Variants in RBPJ observed in about 807,000 individuals in gnomAD.
The protein encoded by RBPJ is recombination signal binding protein for immunoglobulin kappa J region.
In RBPJ, 9 loss-of-function variants were observed where a neutral mutation model predicts 67.8. The observed-to-expected ratio is 0.13, with a 90% CI of 0.08 to 0.23. The LOEUF (loss-of-function observed/expected upper bound fraction) is 0.23, where lower values mean the gene tolerates loss of function less well. Among genes scored for constraint, RBPJ ranks in the 10% least tolerant of loss-of-function variants. The probability of loss-of-function intolerance (pLI) is 1.00; values close to 1 mark genes in which losing one functional copy is unlikely to be tolerated. For synonymous variants in RBPJ, 198 were observed against 203.3 expected (o/e 0.97, Z 0.22); for missense variants, 305 against 595.6 (o/e 0.51, Z 5.08).
At chr4:26,319,207 G>T (rs771310132), upstream of RBPJ, among the ~76,000 whole-genome samples, 56 of 152,012 alleles carry the variant, frequency 3.7e-4, no homozygotes, top group Non-Finnish European at 8.1e-4. Context: ...TGTGGAGGGC[G>T]ACAGGAAACC....
intron 1 of RBPJ, among the ~76,000 whole-genome samples, chr4:26,323,984 A>T (rs1019897306): frequency 1.3e-5 from 2 of 152,154 alleles, no homozygotes; most frequent in African/African-American, 4.8e-5. Flanking sequence ...TTTCTCATGG[A>T]TTGACTAAAA....
At chr4:26,308,257 C>T (rs1185346790) in intron 1 of RBPJ, among the ~76,000 whole-genome samples, 4 of 150,502 alleles carry the variant, frequency 2.7e-5, no homozygotes, top group Non-Finnish European at 5.9e-5. Context: ...GCCTGGGTGA[C>T]AGAGCAAGAC....
At chr4:26,345,206 G>C (rs1367227141) in intron 1 of RBPJ, among the ~76,000 whole-genome samples, 1 of 152,184 alleles carries the variant, frequency 6.6e-6, no homozygotes, top group Non-Finnish European at 1.5e-5. Flanking sequence ...TTATAGCAGA[G>C]CAGATGTAGA....
At chr4:26,135,438 C>T in the RBPJ span, among the ~76,000 whole-genome samples, 1 of 151,984 alleles carries the variant, frequency 6.6e-6, no homozygotes, top group African/African-American at 2.4e-5. Flanking sequence ...AACGCAACAA[C>T]CCTGTGAGGC....
chr4:26,163,917 C>T (rs1275831780), intron 1 of RBPJ, among the ~76,000 whole-genome samples: 1 of 152,260 alleles, frequency 6.6e-6, no homozygotes, highest in Non-Finnish European at 1.5e-5. Context: ...ACACTGCTTC[C>T]TTCTTAGGAC....
rs1272612587 is a variant in RBPJ, at chr4:26,424,579, TA to T, written c.635-48del. ...TTAAGTTTTGTCATTTGCCTAATCATAAAATAAATTTAAAAAGATGACAATT... is the reference window on the plus strand; with the variant it reads ...TTAAGTTTTGTCATTTGCCTAATCATAAATAAATTTAAAAAGATGACAATT... On this transcript the variant is annotated intron_variant, in intron 6 of 10. Transcript: ENST00000355476. The surrounding 1 kb of genome is among the most constrained non-coding windows in gnomAD (Gnocchi z 5.3). The T allele has an allele frequency of 1.9e-6, 3 of 1,557,746 alleles. No homozygotes were observed. The highest frequency in any genetic ancestry group is 2.6e-6 in the Non-Finnish European group (3 of 1,136,802).
At chr4:26,164,069 C>T (rs1716164297) in intron 1 of RBPJ, among the ~76,000 whole-genome samples, 1 of 152,208 alleles carries the variant, frequency 6.6e-6, no homozygotes, top group Admixed American at 6.5e-5. Context: ...TTTAAATAAG[C>T]TCCTCCAAAA....
Position 26,294,968 on chromosome 4 carries a change from A to C in RBPJ, c.-166-67478A>C, listed in dbSNP as rs368414472. Reference sequence around the variant, plus strand: ...GTTGGATAGGGCTGATGACGGAAAGAGGAATCAGGGATAAACCGTGAACCC... The same window carrying C: ...GTTGGATAGGGCTGATGACGGAAAGCGGAATCAGGGATAAACCGTGAACCC... On this transcript the variant is annotated intron_variant, in intron 1 of 4. Transcript: ENST00000512351. 7.9e-4 allele frequency among the ~76,000 whole-genome samples: 121 copies of C among 152,280 alleles called. 4 individuals are homozygous for C. The South Asian group carries it at 0.025, about 31-fold the overall frequency.
chr4:26,343,474 C>G (rs1475349899), intron 1 of RBPJ, among the ~76,000 whole-genome samples: 1 of 151,974 alleles, frequency 6.6e-6, no homozygotes, highest in South Asian at 2.1e-4. Flanking sequence ...ATATTTCCAG[C>G]TTATACATAT....
At chr4:26,276,033 G>C (rs1721070010) in intron 1 of RBPJ, among the ~76,000 whole-genome samples, 1 of 151,458 alleles carries the variant, frequency 6.6e-6, no homozygotes, top group Non-Finnish European at 1.5e-5. Flanking sequence ...CCAGCACTTT[G>C]GGAGGCCTAG....
rs968109658 is a variant in RBPJ, at chr4:26,174,903, C to T, written c.-167+11289C>T. Among the ~76,000 whole-genome samples, 19 of 152,040 alleles carry T rather than the reference C, an allele frequency of 1.2e-4. 1 individual carries two copies. Among genetic ancestry groups the T allele is most frequent in the Admixed American group, 1.2e-3 (18 of 15,266 alleles). The stretch of plus-strand genomic sequence containing the variant: ...ACCGTAGATTTCATAAATATTGCTG[C>T]TTAAAATAAATTTTTCTTAGAAAAT... On this transcript the variant is annotated intron_variant, in intron 1 of 4. Coordinates refer to the RBPJ transcript ENST00000512351.
intron 3 of RBPJ, among the ~76,000 whole-genome samples, chr4:26,413,230 T>C (rs1456812163): frequency 6.6e-6 from 1 of 152,202 alleles, no homozygotes; most frequent in Admixed American, 6.5e-5. Context: ...GCACTGGCTC[T>C]TTCCTCTGTG....
rs1464740320 is a variant in RBPJ, at chr4:26,431,557, A to C, written c.*550A>C. The C allele has an allele frequency of 6.6e-6, 1 of 151,892 alleles. No individual in the cohort carries two copies. Among genetic ancestry groups the C allele is most frequent in the Non-Finnish European group, 1.5e-5 (1 of 68,126 alleles). The allele number at this position is 151,892 out of a possible 1,614,324, so 9.4% of individuals were successfully genotyped here. On this transcript the variant is annotated 3_prime_UTR_variant, in exon 11 of 11. Coordinates refer to ENST00000355476, the MANE Select transcript of RBPJ (RefSeq NM_015874.6). ...GTTCCAAGCCTGACCATCCTTGTTT[A>C]ATCTATCATACTCTTCCAGGTTTTT...
intron 1 of RBPJ, among the ~76,000 whole-genome samples, chr4:26,271,987 G>A (rs576435816): frequency 1.2e-4 from 19 of 152,324 alleles, no homozygotes; most frequent in Non-Finnish European, 1.6e-4. Flanking sequence ...GATTTCTGTA[G>A]GGCCAGTGCC....
the RBPJ span, among the ~76,000 whole-genome samples, chr4:26,133,257 C>G: frequency 2.0e-5 from 3 of 152,194 alleles, no homozygotes; most frequent in Non-Finnish European, 1.5e-5. Context: ...GTTGTGTTTC[C>G]ATCACCCCAG....
chr4:26,355,974 A>G (rs1256260674), intron 1 of RBPJ, among the ~76,000 whole-genome samples: 1 of 152,170 alleles, frequency 6.6e-6, no homozygotes, highest in African/African-American at 2.4e-5. Flanking sequence ...TGAATTCTGG[A>G]AATTTGGGGG....
At chr4:26,256,899 C>T (rs1193884543) in intron 1 of RBPJ, among the ~76,000 whole-genome samples, 9 of 152,174 alleles carry the variant, frequency 5.9e-5, no homozygotes. Context: ...TAGAACTAAA[C>T]CTCTGGTCTC....
chr4:26,171,807 T>A (rs1466568574), intron 1 of RBPJ, among the ~76,000 whole-genome samples: 1 of 152,118 alleles, frequency 6.6e-6, no homozygotes, highest in Non-Finnish European at 1.5e-5. Flanking sequence ...CCCACAGAAG[T>A]GCAGTGACTT....
chr4:26,297,312 C>G (rs1327186967), intron 1 of RBPJ, among the ~76,000 whole-genome samples: 1 of 143,668 alleles, frequency 7.0e-6, no homozygotes, highest in Admixed American at 7.1e-5. Flanking sequence ...CAAAGATAAA[C>G]AAATAAATTT....
Sources: allele counts gnomAD v4.1 joint callset (sites outside exome capture counted in the v4.1 genomes callset), GRCh38; gene constraint gnomAD v4.1.1; non-coding constraint Gnocchi (gnomAD v3.1); transcripts MANE v1.5; gene names NCBI Gene and HGNC (gene_info 2026-07-23, HGNC 2026-07-21).